KATNBL1: variants seen among roughly 807,000 people sequenced by gnomAD.
The protein encoded by KATNBL1 is KATNB1-like protein 1.
In KATNBL1, 28 loss-of-function variants were observed where a neutral mutation model predicts 44.7. That is an observed-to-expected ratio of 0.63 (90% CI 0.46 to 0.86). The LOEUF (loss-of-function observed/expected upper bound fraction) is 0.86. Among genes scored for constraint, KATNBL1 ranks in the 40% least tolerant of loss-of-function variants. The probability of loss-of-function intolerance (pLI) is 0.00; values close to 1 mark genes in which losing one functional copy is unlikely to be tolerated. For missense variants in KATNBL1, 272 were observed against 350.7 expected (o/e 0.78, Z 1.79); for synonymous variants, 78 against 114.9 (o/e 0.68, Z 2.06).
At chr15:34,192,987 G>A (rs559957042) in intron 1 of KATNBL1, among the ~76,000 whole-genome samples, 49 of 151,918 alleles carry the variant, frequency 3.2e-4, no homozygotes, top group African/African-American at 1.1e-3. Context: ...GGAGGCAGAG[G>A]CGGGCGGATC....
At chr15:34,172,620 C>A (rs1889198819) in intron 1 of KATNBL1, among the ~76,000 whole-genome samples, 1 of 152,120 alleles carries the variant, frequency 6.6e-6, no homozygotes, top group Non-Finnish European at 1.5e-5. Context: ...GTTGAGACCG[C>A]TAATCTTTCT....
intron 1 of KATNBL1, among the ~76,000 whole-genome samples, chr15:34,199,007 A>T (rs1370443037): frequency 5.3e-5 from 8 of 152,188 alleles, no homozygotes; most frequent in Admixed American, 5.2e-4. Flanking sequence ...TCTGGGGAGG[A>T]GGTGAACACT....
At chr15:34,191,137 T>C (rs1034016336) in intron 1 of KATNBL1, among the ~76,000 whole-genome samples, 7 of 132,108 alleles carry the variant, frequency 5.3e-5, no homozygotes, top group African/African-American at 1.6e-4. Flanking sequence ...TTCAAAAATT[T>C]CATATAAATC....
chr15:34,200,858 C>T (rs1890161571), intron 1 of KATNBL1, among the ~76,000 whole-genome samples: 1 of 152,038 alleles, frequency 6.6e-6, no homozygotes, highest in Admixed American at 6.6e-5. Context: ...TGCTCTGTCG[C>T]CAGGCTGGAG....
chr15:34,188,136 G>GCAAAAAAAAA, intron 1 of KATNBL1, among the ~76,000 whole-genome samples: 2 of 6,592 alleles, frequency 3.0e-4, no homozygotes, highest in Non-Finnish European at 8.8e-4. Context: ...AAGACGCCAT[G>GCAAAAAAAAA]TAAAAAAAAA....
chr15:34,147,139 A>G (rs1297501954), intron 7 of KATNBL1, 61 bp downstream of exon 7: 13 of 1,070,866 alleles, frequency 1.2e-5, no homozygotes, highest in Non-Finnish European at 1.9e-5. Flanking sequence ...ATGTACTCAC[A>G]AAGCACAAAA....
At chr15:34,156,630 G>A (rs1888646344) in intron 2 of KATNBL1, among the ~76,000 whole-genome samples, 1 of 152,168 alleles carries the variant, frequency 6.6e-6, no homozygotes, top group Non-Finnish European at 1.5e-5. Flanking sequence ...GGAGGTTCTG[G>A]AAGAAGGCTT....
chr15:34,197,354 C>T (rs1890054051), intron 1 of KATNBL1, among the ~76,000 whole-genome samples: 1 of 152,198 alleles, frequency 6.6e-6, no homozygotes, highest in African/African-American at 2.4e-5. Context: ...TATGTACCAT[C>T]TTAGGCAAGT....
intron 1 of KATNBL1, among the ~76,000 whole-genome samples, chr15:34,172,761 ACACACAC>A (rs1889208274): frequency 9.8e-4 from 1 of 1,018 alleles, no homozygotes; most frequent in Non-Finnish European, 4.4e-3. Flanking sequence ...ACAGACACAG[ACACACAC>A]ACACACACAC....
intron 6 of KATNBL1, 43 bp from the exon 7 acceptor site, chr15:34,147,332 T>G (rs146813634): frequency 8.1e-6 from 13 of 1,597,404 alleles, no homozygotes; most frequent in Non-Finnish European, 1.1e-5. Context: ...TGGGCCATAA[T>G]TTGACCTCCT....
At chr15:34,149,428 CTT>C (rs574775758) in intron 4 of KATNBL1, among the ~76,000 whole-genome samples, 3 of 145,068 alleles carry the variant, frequency 2.1e-5, no homozygotes, top group Non-Finnish European at 4.6e-5. Context: ...ACAGATCAAG[CTT>C]TTTTTTTTTT....
At chr15:34,182,128 AT>A (rs1431863513) in intron 1 of KATNBL1, among the ~76,000 whole-genome samples, 1 of 152,022 alleles carries the variant, frequency 6.6e-6, no homozygotes, top group Non-Finnish European at 1.5e-5. Context: ...GGTGTTCTGT[AT>A]CCATTGCCTA....
intron 1 of KATNBL1, among the ~76,000 whole-genome samples, chr15:34,194,703 T>C (rs757627196): frequency 1.9e-4 from 29 of 152,220 alleles, no homozygotes; most frequent in Non-Finnish European, 2.2e-4. Context: ...ACTATATATC[T>C]GACAGTGGAC....
intron 5 of KATNBL1, chr15:34,148,419 C>T (rs1295314076): frequency 5.5e-6 from 2 of 363,954 alleles, no homozygotes; most frequent in African/African-American, 2.1e-5. Flanking sequence ...CTCATGTCTT[C>T]CAAAAAATTT....
chr15:34,178,526 G>GA (rs1889406028), intron 1 of KATNBL1, among the ~76,000 whole-genome samples: 1 of 152,126 alleles, frequency 6.6e-6, no homozygotes, highest in East Asian at 1.9e-4. Flanking sequence ...GGGAGGCCAA[G>GA]GAGGGCAGAT....
At chr15:34,200,247 C>T (rs1408928426) in intron 1 of KATNBL1, among the ~76,000 whole-genome samples, 1 of 151,810 alleles carries the variant, frequency 6.6e-6, no homozygotes. Flanking sequence ...ACACCACTTT[C>T]TCTCTCTCTC....
At chr15:34,145,040 T>C in intron 9 of KATNBL1, 1 of 995,790 alleles carries the variant, frequency 1.0e-6, no homozygotes, top group South Asian at 4.2e-5. Context: ...CCAAAACCAT[T>C]TAATTATGTT....
chr15:34,155,131 G>A (rs934633183), intron 2 of KATNBL1, among the ~76,000 whole-genome samples: 2 of 152,186 alleles, frequency 1.3e-5, no homozygotes, highest in African/African-American at 4.8e-5. Context: ...TGTAAAGAAT[G>A]AGGAAGTTAA....
At chr15:34,209,721 C>A (rs1284103239) in intron 1 of KATNBL1, 1 of 151,960 alleles carries the variant, frequency 6.6e-6, no homozygotes, top group Non-Finnish European at 1.5e-5. Context: ...TCCCCTGGAG[C>A]CCCCCAGCGC....
Sources: allele counts gnomAD v4.1 joint callset (sites outside exome capture counted in the v4.1 genomes callset), GRCh38; gene constraint gnomAD v4.1.1; transcripts MANE v1.5; gene names NCBI Gene and HGNC (gene_info 2026-07-23, HGNC 2026-07-21).